UBR2: variants seen among roughly 807,000 people sequenced by gnomAD.
The protein encoded by UBR2 is E3 ubiquitin-protein ligase UBR2.
In UBR2, 92 loss-of-function variants were observed where a neutral mutation model predicts 247.9. The ratio of observed to expected loss-of-function variants is 0.37; its 90% CI spans 0.31 to 0.44. The LOEUF (loss-of-function observed/expected upper bound fraction) is 0.44. Among genes scored for constraint, UBR2 ranks in the 20% least tolerant of loss-of-function variants. The probability of loss-of-function intolerance (pLI) is 1.00; values close to 1 mark genes in which losing one functional copy is unlikely to be tolerated. For missense variants in UBR2, 1,613 were observed against 2,112.6 expected (o/e 0.76, Z 4.64); for synonymous variants, 672 against 693.5 (o/e 0.97, Z 0.49).
At chr6:42,655,498 A>C (rs1407786619) in intron 25 of UBR2, 123 bp from the exon 26 acceptor site, 1 of 567,118 alleles carries the variant, frequency 1.8e-6, no homozygotes, top group East Asian at 3.6e-5. Flanking sequence ...AATTGTTTTT[A>C]ATTGCATTTA....
At chr6:42,589,312 A>T (rs1224584338) in intron 2 of UBR2, among the ~76,000 whole-genome samples, 1 of 152,124 alleles carries the variant, frequency 6.6e-6, no homozygotes, top group Non-Finnish European at 1.5e-5. Flanking sequence ...TAGCCTGTTA[A>T]TGTGATAGAT....
At chr6:42,679,913 C>G in intron 42 of UBR2, 81 bp downstream of exon 42, 5 of 878,450 alleles carry the variant, frequency 5.7e-6, no homozygotes, top group Non-Finnish European at 5.2e-6. Context: ...TAGCAAAATT[C>G]TCAAGTAATG....
At chr6:42,570,503 G>A (rs1791047632) in intron 1 of UBR2, among the ~76,000 whole-genome samples, 1 of 152,160 alleles carries the variant, frequency 6.6e-6, no homozygotes, top group Non-Finnish European at 1.5e-5. Context: ...AAAGTGCTGG[G>A]ATTATAGGCG....
chr6:42,680,170 T>C (rs1370745639), intron 42 of UBR2, among the ~76,000 whole-genome samples: 1 of 152,094 alleles, frequency 6.6e-6, no homozygotes, highest in East Asian at 1.9e-4. Context: ...CATGCCTGGC[T>C]AGTTCTTTGA....
At chr6:42,646,068 A>T (rs1227129055) in intron 21 of UBR2, among the ~76,000 whole-genome samples, 2 of 152,200 alleles carry the variant, frequency 1.3e-5, no homozygotes, top group African/African-American at 4.8e-5. Flanking sequence ...ATTTTAGTGA[A>T]TGCAAAATAA....
chr6:42,678,193 GGGCGTGGT>G (rs1276989558), intron 40 of UBR2, among the ~76,000 whole-genome samples: 1 of 152,156 alleles, frequency 6.6e-6, no homozygotes, highest in African/African-American at 2.4e-5. Context: ...AAAATTAGCC[GGGCGTGGT>G]GGCAGGCACC....
rs748543739 is a variant in UBR2, at chr6:42,689,705, C to T, written c.5126+35C>T. 4 of 1,551,296 alleles carry T rather than the reference C, an allele frequency of 2.6e-6. No individual in the cohort carries two copies. In the African/African-American group the frequency reaches 4.1e-5, roughly 16 times the overall value. On this transcript the variant is annotated intron_variant, in intron 46 of 46. Coordinates refer to ENST00000372901, the MANE Select transcript of UBR2 (RefSeq NM_001363705.2). The surrounding 1 kb of genome is among the most constrained non-coding windows in gnomAD (Gnocchi z 4.0). ...CATCCTGAGTTAGCTAACTCAGGGC[C>T]TGCAGCGCCCTTCCGTATGTGGTGA...
chr6:42,622,705 GT>G lies in UBR2; in HGVS notation c.1281+5203del, dbSNP rs1289537783. Among the ~76,000 whole-genome samples, 4 of 152,048 alleles carry G rather than the reference GT, an allele frequency of 2.6e-5. No individual in the cohort carries two copies. The East Asian group carries it at 7.7e-4, about 29-fold the overall frequency. ...AAGCCTGAGCCACCGCACCTGGCCTGTTTTTGGCTTTTGATTCTATGGGAAA... is the reference window on the plus strand; with the variant it reads ...AAGCCTGAGCCACCGCACCTGGCCTGTTTTGGCTTTTGATTCTATGGGAAA... On this transcript the variant is annotated intron_variant, in intron 11 of 46. Coordinates refer to ENST00000372901, the MANE Select transcript of UBR2 (RefSeq NM_001363705.2).
Position 42,679,729 on chromosome 6 carries a change from G to C in UBR2, c.4615G>C (p.Gly1539Arg), listed in dbSNP as rs376164994. 2 of 1,612,166 alleles carry C rather than the reference G, an allele frequency of 1.2e-6. No homozygotes were observed. Among genetic ancestry groups the C allele is most frequent in the Middle Eastern group, 1.7e-4 (1 of 6,060 alleles). Residue 1539 changes from glycine to arginine, a missense_variant, in exon 42 of 47, where the codon GGA becomes CGA. Gly to Arg is a moderately radical substitution (Grantham distance 125). Coordinates refer to ENST00000372901, the MANE Select transcript of UBR2 (RefSeq NM_001363705.2). ...TTCTTGTTCTTCATTTGCAGTTCCT[G>C]GAACAAGCCATTTTGAACATTTATG... is the stretch of plus-strand genomic sequence containing the variant. ...VPSPPDIQVP[G>R]TSHFEHLCSY...
At chr6:42,684,283 GA>G (rs774434810) in intron 43 of UBR2, among the ~76,000 whole-genome samples, 21 of 152,194 alleles carry the variant, frequency 1.4e-4, no homozygotes, top group Non-Finnish European at 2.5e-4. Flanking sequence ...ATATGATTAA[GA>G]ACTACTGTCT....
chr6:42,638,079 T>C lies in UBR2; in HGVS notation c.1858+885T>C, dbSNP rs148913450. 2.1e-3 allele frequency among the ~76,000 whole-genome samples: 313 copies of C among 152,320 alleles called. 1 individual carries two copies. The highest frequency in any genetic ancestry group is 7.3e-3 in the African/African-American group (303 of 41,584). On this transcript the variant is annotated intron_variant, in intron 15 of 46. Transcript: ENST00000372901. ...AGGAGATTGTAGAGAGTTTGTTTCA[T>C]TTCTTCCTTAAATGTTTGACAGAAT...
chr6:42,593,536 T>C (rs1792793969), intron 3 of UBR2, among the ~76,000 whole-genome samples: 1 of 152,226 alleles, frequency 6.6e-6, no homozygotes, highest in Admixed American at 6.5e-5. Context: ...GCAGAATTTC[T>C]AGTCTACCAA....
At chr6:42,682,921 C>A in intron 42 of UBR2, 134 bp from the exon 43 acceptor site, 1 of 691,652 alleles carries the variant, frequency 1.4e-6, no homozygotes, top group South Asian at 1.9e-5. Flanking sequence ...AGTATTTCTA[C>A]AGGTTTCTTT....
At chr6:42,686,287 G>C (rs1460542088) in intron 44 of UBR2, among the ~76,000 whole-genome samples, 2 of 151,564 alleles carry the variant, frequency 1.3e-5, no homozygotes, top group Non-Finnish European at 1.5e-5. Context: ...GACTCTTAAC[G>C]AGCATGCTGC....
chr6:42,576,728 C>G (rs1562277513), intron 2 of UBR2, among the ~76,000 whole-genome samples: 2 of 151,972 alleles, frequency 1.3e-5, no homozygotes, highest in Non-Finnish European at 2.9e-5. Flanking sequence ...ACCACATTGG[C>G]CAGGCTTGTC....
chr6:42,616,267 G>A (rs1034253391), intron 10 of UBR2, among the ~76,000 whole-genome samples, 177 bp downstream of exon 10: 3 of 151,966 alleles, frequency 2.0e-5, no homozygotes, highest in Admixed American at 6.6e-5. Flanking sequence ...AATTTTAGCC[G>A]TGAGACTCCT....
At position 42,673,029 on chromosome 6, in the gene UBR2, T is replaced by G. The variant is rs140376592; in HGVS notation, c.4087-762T>G. On this transcript the variant is annotated intron_variant, in intron 36 of 46. Coordinates refer to ENST00000372901, the MANE Select transcript of UBR2 (RefSeq NM_001363705.2). ...TTCCATTAGCATATTTATGCTTGATTACAATTGGTACTCACATGTAGCTTT... is the reference window on the plus strand; with the variant it reads ...TTCCATTAGCATATTTATGCTTGATGACAATTGGTACTCACATGTAGCTTT... Among the ~76,000 whole-genome samples the G allele has an allele frequency of 7.5e-4, 114 of 152,354 alleles. 1 individual carries two copies. Among genetic ancestry groups the G allele is most frequent in the African/African-American group, 1.9e-3 (81 of 41,590 alleles).
intron 1 of UBR2, among the ~76,000 whole-genome samples, chr6:42,568,456 G>A (rs111396934): frequency 0.014 from 2,177 of 152,218 alleles, 46 homozygotes; most frequent in African/African-American, 0.049. Context: ...TGGGCCAGGC[G>A]CGGTGGCTCA....
chr6:42,598,947 A>ATTATT (rs1169886088), intron 4 of UBR2, among the ~76,000 whole-genome samples: 4 of 152,032 alleles, frequency 2.6e-5, no homozygotes, highest in Non-Finnish European at 5.9e-5. Context: ...CTTTAAAAAA[A>ATTATT]TTATTTTATT....
Sources: allele counts gnomAD v4.1 joint callset (sites outside exome capture counted in the v4.1 genomes callset), GRCh38; gene constraint gnomAD v4.1.1; non-coding constraint Gnocchi (gnomAD v3.1); transcripts MANE v1.5; gene names NCBI Gene and HGNC (gene_info 2026-07-23, HGNC 2026-07-21).